The following ANO6 variants were observed in gnomAD, a reference collection of about 807,000 sequenced individuals.
ANO6 encodes the protein anoctamin 6, also known as anoctamin-6.
In ANO6, 106 loss-of-function variants were observed where a neutral mutation model predicts 117.5. The ratio of observed to expected loss-of-function variants is 0.90; its 90% CI spans 0.77 to 1.06. The LOEUF is 1.06. ANO6 is among the 50% of genes least tolerant of loss of function. ANO6 has a pLI of 0.00. For missense variants in ANO6, 955 were observed against 1,121.1 expected, an observed-to-expected ratio of 0.85 and a Z score of 2.12; for synonymous variants, 367 against 385.1, an observed-to-expected ratio of 0.95 and a Z score of 0.55.
chr12:45,218,986 C>T (rs1369257887), intron 1 of ANO6, among the ~76,000 whole-genome samples: 1 of 152,018 alleles, frequency 6.6e-6, no homozygotes, highest in South Asian at 2.1e-4. Flanking sequence ...GTCACCTAGG[C>T]TAGAGTGTAG....
intron 11 of ANO6, 107 bp downstream of exon 11, chr12:45,388,410 T>C: frequency 7.1e-7 from 1 of 1,399,000 alleles, no homozygotes; most frequent in Non-Finnish European, 1.0e-6. Context: ...TATTGATACC[T>C]GAGTTCCATC....
At chr12:45,303,348 C>T (rs552488862) in intron 2 of ANO6, among the ~76,000 whole-genome samples, 2 of 152,214 alleles carry the variant, frequency 1.3e-5, no homozygotes, top group South Asian at 4.1e-4. Flanking sequence ...CAGTTAGAGA[C>T]CAAAAGCAGA....
intron 2 of ANO6, among the ~76,000 whole-genome samples, chr12:45,311,193 A>G (rs1024965328): frequency 6.6e-6 from 1 of 152,088 alleles, no homozygotes; most frequent in Admixed American, 6.6e-5. Flanking sequence ...GGAATAATGG[A>G]TGAAAATCAA....
intron 12 of ANO6, among the ~76,000 whole-genome samples, chr12:45,397,244 T>C (rs1942642699): frequency 1.3e-5 from 2 of 152,166 alleles, no homozygotes; most frequent in Non-Finnish European, 2.9e-5. Flanking sequence ...AAAATGCTCA[T>C]CATCATTGGT....
chr12:45,227,883 A>G (rs1177460647), intron 1 of ANO6, among the ~76,000 whole-genome samples: 1 of 152,230 alleles, frequency 6.6e-6, no homozygotes, highest in Admixed American at 6.5e-5. Flanking sequence ...GGTTTCTGCA[A>G]AGAGCAAAGC....
At chr12:45,405,821 T>G (rs1390428511) in intron 15 of ANO6, among the ~76,000 whole-genome samples, 1 of 152,052 alleles carries the variant, frequency 6.6e-6, no homozygotes, top group Non-Finnish European at 1.5e-5. Flanking sequence ...GGCAGGAGAA[T>G]TGCTTGAACC....
rs529365531 is a variant in ANO6 at position 45,431,972 on chromosome 12, T to TATCA, written c.*2662_*2665dup. The TATCA allele has an allele frequency of 1.9e-4, 191 of 985,398 alleles. No individual in the cohort carries two copies. The African/African-American group carries it at 3.0e-3, about 16-fold the overall frequency. 61.0% of individuals were successfully genotyped at this position (985,398 alleles called of 1,614,324 possible). On this transcript the variant is annotated 3_prime_UTR_variant, in exon 20 of 20. Transcript: ENST00000320560. ...CTATATATCATTAGAAAGGGAAAGC[T>TATCA]ATCATTTTTATTTTAAAACTAAACA...
chr12:45,247,235 C>T (rs1344872030), intron 1 of ANO6, among the ~76,000 whole-genome samples: 1 of 152,102 alleles, frequency 6.6e-6, no homozygotes, highest in Non-Finnish European at 1.5e-5. Context: ...CAGTTCCATC[C>T]TACTTTGTAA....
At chr12:45,345,640 C>A (rs1941109759) in intron 3 of ANO6, among the ~76,000 whole-genome samples, 1 of 152,160 alleles carries the variant, frequency 6.6e-6, no homozygotes, top group Non-Finnish European at 1.5e-5. Flanking sequence ...TAAATCATAT[C>A]TTCACAAGAC....
intron 16 of ANO6, among the ~76,000 whole-genome samples, chr12:45,413,304 G>T (rs1943133446): frequency 6.6e-6 from 1 of 152,194 alleles, no homozygotes; most frequent in African/African-American, 2.4e-5. Flanking sequence ...GATGGATTTG[G>T]TAAGTGTTAA....
intron 13 of ANO6, 122 bp from the exon 14 acceptor site, chr12:45,402,950 A>G (rs549174985): frequency 1.1e-6 from 1 of 949,164 alleles, no homozygotes; most frequent in African/African-American, 1.7e-5. Context: ...CTTAAATGGA[A>G]ACAGTGTGAA....
chr12:45,361,618 T>C (rs1393769366), intron 8 of ANO6, among the ~76,000 whole-genome samples: 1 of 152,138 alleles, frequency 6.6e-6, no homozygotes, highest in Non-Finnish European at 1.5e-5. Context: ...AGTGTGATAC[T>C]AGGTGTGGGT....
intron 1 of ANO6, among the ~76,000 whole-genome samples, chr12:45,280,868 TTA>T (rs780850139): frequency 6.9e-6 from 1 of 145,466 alleles, no homozygotes; most frequent in Non-Finnish European, 1.5e-5. Flanking sequence ...ATATGTGTTT[TTA>T]TATATATATA....
At chr12:45,243,681 C>G (rs528790286) in intron 1 of ANO6, among the ~76,000 whole-genome samples, 5 of 152,256 alleles carry the variant, frequency 3.3e-5, no homozygotes, top group African/African-American at 1.2e-4. Context: ...TCCCAAGTAG[C>G]TGAGATTACA....
At chr12:45,296,212 A>G (rs1939289135) in intron 1 of ANO6, among the ~76,000 whole-genome samples, 2 of 152,336 alleles carry the variant, frequency 1.3e-5, no homozygotes, top group East Asian at 1.9e-4. Flanking sequence ...AGTTTCAGGT[A>G]CAAGACAGCG....
chr12:45,276,151 C>G (rs1023514774), intron 1 of ANO6, among the ~76,000 whole-genome samples: 3 of 152,180 alleles, frequency 2.0e-5, no homozygotes, highest in Non-Finnish European at 2.9e-5. Context: ...TGTATATCAT[C>G]CTTGGTTTCT....
Position 45,432,119 on chromosome 12 carries a change from C to T in ANO6, c.*2808C>T, listed in dbSNP as rs1943646302. On this transcript the variant is annotated 3_prime_UTR_variant, in exon 20 of 20. Transcript: ENST00000320560. ...TACTCTTGTTGAAACACTTCTTGTA[C>T]CATTTTATGTTCATATTATGTTTGA... 3.0e-6 allele frequency: 3 copies of T among 985,158 alleles called. No individual in the cohort carries two copies. In the African/African-American group the frequency reaches 5.2e-5, roughly 17 times the overall value. 61.0% of individuals were successfully genotyped at this position (985,158 alleles called of 1,614,324 possible). A position where few individuals can be genotyped will look rare whatever the true frequency, so the allele number is the denominator to read the frequency against.
At chr12:45,364,116 A>G (rs940181388) in intron 8 of ANO6, among the ~76,000 whole-genome samples, 1 of 152,214 alleles carries the variant, frequency 6.6e-6, no homozygotes, top group Non-Finnish European at 1.5e-5. Flanking sequence ...TGAATATATC[A>G]TCCCACTGCC....
chr12:45,371,316 G>C (rs1941827621), intron 9 of ANO6, among the ~76,000 whole-genome samples: 1 of 152,232 alleles, frequency 6.6e-6, no homozygotes, highest in African/African-American at 2.4e-5. Context: ...GCTTGCTTAG[G>C]TAAACAAAGC....
Sources: allele counts gnomAD v4.1 joint callset (sites outside exome capture counted in the v4.1 genomes callset), GRCh38; gene constraint gnomAD v4.1.1; transcripts MANE v1.5; gene names NCBI Gene and HGNC (gene_info 2026-07-23, HGNC 2026-07-21).